PBX3: variants seen among roughly 807,000 people sequenced by gnomAD.
PBX3 encodes pre-B-cell leukemia transcription factor 3.
A neutral mutation model predicts 48.5 loss-of-function variants in PBX3; 14 were observed. The ratio of observed to expected loss-of-function variants is 0.29; its 90% CI spans 0.19 to 0.45. The LOEUF is 0.45. Ranked by LOEUF, PBX3 falls within the 20% of genes least tolerant of loss-of-function variation. PBX3 has a pLI of 1.00. For missense variants in PBX3, 386 were observed against 546.7 expected (o/e 0.71, Z 2.93); for synonymous variants, 210 against 200.3 (o/e 1.05, Z -0.41).
At chr9:125,918,699 G>T (rs1841388563) in intron 3 of PBX3, among the ~76,000 whole-genome samples, 1 of 152,154 alleles carries the variant, frequency 6.6e-6, no homozygotes, top group African/African-American at 2.4e-5. Context: ...ATTTTCTCCT[G>T]TAGGTTTGGA....
intron 2 of PBX3, among the ~76,000 whole-genome samples, chr9:125,832,218 C>T (rs1025585070): frequency 2.9e-4 from 42 of 146,510 alleles, no homozygotes; most frequent in African/African-American, 8.7e-4. Context: ...TTTTTTGAGA[C>T]GGAGTCTCGC....
Position 125,965,877 on chromosome 9 carries a change from C to T in PBX3, c.1259C>T (p.Ser420Phe), listed in dbSNP as rs1842522059. 6.2e-7 allele frequency: 1 copy of T among 1,614,120 alleles called. No homozygotes were observed. Among genetic ancestry groups the T allele is most frequent in the African/African-American group, 1.3e-5 (1 of 75,044 alleles). Residue 420 changes from serine (S) to phenylalanine (F), a missense_variant, in exon 9 of 9, where the codon TCT (serine) becomes TTT (phenylalanine). By Grantham distance (155) the Ser-to-Phe change is radical. Coordinates refer to ENST00000373489, the MANE Select transcript of PBX3 (RefSeq NM_006195.6). ...QDATTPSSVT[S>F]PTEGPGSVHS... ...GCAACAACTCCATCTTCTGTGACTTCTCCTACAGAAGGCCCAGGAAGTGTG... is the reference window on the plus strand; with the variant it reads ...GCAACAACTCCATCTTCTGTGACTTTTCCTACAGAAGGCCCAGGAAGTGTG...
At chr9:125,893,062 C>CT (rs1370062069) in intron 2 of PBX3, among the ~76,000 whole-genome samples, 2 of 152,090 alleles carry the variant, frequency 1.3e-5, no homozygotes, top group Admixed American at 6.5e-5. Flanking sequence ...ACTGATTTCC[C>CT]TTTTTTCTGT....
At chr9:125,813,447 G>A (rs1347885132) in intron 2 of PBX3, among the ~76,000 whole-genome samples, 6 of 152,142 alleles carry the variant, frequency 3.9e-5, no homozygotes, top group Admixed American at 3.9e-4. Flanking sequence ...ATTATGCAGT[G>A]TATAACAGTA....
chr9:125,924,085 G>T (rs1841516024), intron 3 of PBX3, among the ~76,000 whole-genome samples: 1 of 152,058 alleles, frequency 6.6e-6, no homozygotes, highest in Non-Finnish European at 1.5e-5. Flanking sequence ...GCCCAGGCTG[G>T]TCTTGAACTC....
At chr9:125,828,388 A>G (rs12236926) in intron 2 of PBX3, among the ~76,000 whole-genome samples, 3,059 of 152,320 alleles carry the variant, frequency 0.02, 172 homozygotes, top group East Asian at 0.17. Flanking sequence ...AACAAAAACC[A>G]AGTCACAATA....
intron 5 of PBX3, among the ~76,000 whole-genome samples, chr9:125,942,083 A>G (rs1394696166): frequency 1.3e-5 from 2 of 152,254 alleles, no homozygotes; most frequent in Non-Finnish European, 2.9e-5. Flanking sequence ...ACCTGCTTTT[A>G]TAATAGTCTA....
At chr9:125,789,436 C>T (rs1837541277) in intron 2 of PBX3, among the ~76,000 whole-genome samples, 1 of 152,164 alleles carries the variant, frequency 6.6e-6, no homozygotes, top group Non-Finnish European at 1.5e-5. Flanking sequence ...ACTCACATGA[C>T]TATTGACAGT....
chr9:125,925,601 G>A (rs76541636), intron 3 of PBX3, among the ~76,000 whole-genome samples: 21 of 152,196 alleles, frequency 1.4e-4, no homozygotes, highest in African/African-American at 5.1e-4. Context: ...CCACAGGCGT[G>A]CCACCATGTC....
In PBX3 at chr9:125,779,696, T is replaced by C. The variant is rs1031737043; in HGVS notation, c.274+31073T>C. 1.2e-4 allele frequency among the ~76,000 whole-genome samples: 17 copies of C among 142,886 alleles called. 1 individual carries two copies. The Middle Eastern group carries it at 0.01, about 86-fold the overall frequency. The allele number at this position is 142,886 out of a possible 152,430, so 93.7% of individuals were successfully genotyped here. ...ACACAGCAACCATCCGATTTCTCAA[T>C]CTTTTCCCCACCTTTTCCCCCTTTC... On this transcript the variant is annotated intron_variant, in intron 2 of 8. Coordinates refer to ENST00000373489, the MANE Select transcript of PBX3 (RefSeq NM_006195.6).
At chr9:125,760,086 C>T (rs1278514126) in intron 2 of PBX3, among the ~76,000 whole-genome samples, 2 of 152,322 alleles carry the variant, frequency 1.3e-5, no homozygotes, top group South Asian at 2.1e-4. Context: ...TCCATTCCAA[C>T]CTATCTGAGC....
chr9:125,765,102 T>G (rs1041785715), intron 2 of PBX3, among the ~76,000 whole-genome samples: 5 of 152,180 alleles, frequency 3.3e-5, no homozygotes, highest in African/African-American at 9.6e-5. Flanking sequence ...TAACAGGTTC[T>G]TGTAAATGGC....
At chr9:125,777,137 G>A (rs944083858) in intron 2 of PBX3, among the ~76,000 whole-genome samples, 9 of 150,004 alleles carry the variant, frequency 6.0e-5, no homozygotes, top group Admixed American at 2.0e-4. Context: ...TCAGCCTCCT[G>A]AGTAGCTGGG....
intron 2 of PBX3, among the ~76,000 whole-genome samples, chr9:125,866,237 G>A (rs1019203832): frequency 1.3e-5 from 2 of 152,102 alleles, no homozygotes; most frequent in Non-Finnish European, 2.9e-5. Flanking sequence ...GTCATTCTAT[G>A]TCATCATCTT....
rs776068245 is a variant in PBX3 at position 125,915,759 on chromosome 9, G to A, written c.348G>A (p.Leu116=). 69 of 1,613,960 alleles carry A rather than the reference G, an allele frequency of 4.3e-5. No individual in the cohort carries two copies. Among genetic ancestry groups the A allele is most frequent in the Non-Finnish European group, 5.3e-5 (63 of 1,180,022 alleles). Residue 116 remains leucine (L), a synonymous_variant, in exon 3 of 9, where the codon TTG becomes TTA. Coordinates refer to ENST00000373489, the MANE Select transcript of PBX3 (RefSeq NM_006195.6). ...PQLMRLDNML[L]AEGVSGPEKG... ...TAATGAGACTGGACAATATGCTTTT[G>A]GCAGAAGGGGTTTCAGGTCCTGAGA...
chr9:125,909,139 C>G (rs1219993258), intron 2 of PBX3, among the ~76,000 whole-genome samples: 2 of 152,124 alleles, frequency 1.3e-5, no homozygotes, highest in African/African-American at 2.4e-5. Context: ...ATTGCACAGT[C>G]CATCTGCTCC....
At chr9:125,835,916 A>G (rs761560664) in intron 2 of PBX3, among the ~76,000 whole-genome samples, 3 of 152,230 alleles carry the variant, frequency 2.0e-5, no homozygotes, top group Non-Finnish European at 2.9e-5. Flanking sequence ...TTGCAGCACT[A>G]TTCAAATAGC....
chr9:125,905,484 T>G (rs925057151), intron 2 of PBX3, among the ~76,000 whole-genome samples: 2 of 152,050 alleles, frequency 1.3e-5, no homozygotes, highest in Non-Finnish European at 2.9e-5. Flanking sequence ...ATCTATGTAG[T>G]TTTGAGATCT....
intron 2 of PBX3, among the ~76,000 whole-genome samples, chr9:125,907,735 A>G (rs574062108): frequency 6.6e-6 from 1 of 152,238 alleles, no homozygotes; most frequent in South Asian, 2.1e-4. Context: ...TGCAAAGTGA[A>G]TTTAAAATCC....
Sources: gnomAD v4.1 joint callset for allele counts (sites outside exome capture counted in the v4.1 genomes callset) on GRCh38, gnomAD v4.1.1 for gene constraint, MANE v1.5 for transcripts, NCBI Gene and HGNC (gene_info 2026-07-23, HGNC 2026-07-21) for gene names.